Variants in SGO2 observed in about 807,000 individuals in gnomAD.
The protein encoded by SGO2 is shugoshin 2.
Under a neutral mutation model 99.5 loss-of-function variants are expected in SGO2, and 68 were observed. The ratio of observed to expected loss-of-function variants is 0.68; its 90% CI spans 0.56 to 0.84. The LOEUF is 0.84. Ranked by LOEUF, SGO2 falls within the 40% of genes least tolerant of loss-of-function variation. The pLI, the probability that SGO2 is intolerant of heterozygous loss-of-function variation, is 0.00. For synonymous variants in SGO2, 457 were observed against 487.1 expected (o/e 0.94, Z 0.81); for missense variants, 1,350 against 1,436.7 (o/e 0.94, Z 0.97).
chr2:200,572,891 A>T lies in SGO2; in HGVS notation c.2545A>T (p.Lys849Ter). 1 of 1,591,880 alleles carries T rather than the reference A, an allele frequency of 6.3e-7. No homozygotes were observed. The highest frequency in any genetic ancestry group is 8.5e-7 in the Non-Finnish European group (1 of 1,173,134). Residue 849 changes from lysine to a stop codon, truncating the protein, a stop_gained, in exon 7 of 9, where the codon AAA becomes TAA. Coordinates refer to ENST00000357799, the MANE Select transcript of SGO2 (RefSeq NM_152524.6). LOFTEE classifies it high-confidence loss of function. ...DNFFSLTPKD[K>*]ETISENLQVT... ...CTTCTTCTCTCTAACCCCAAAGGAT[A>T]AAGAAACAATTTCTGAAAATCTACA...
chr2:200,557,113 G>A (rs1435599616), intron 5 of SGO2, among the ~76,000 whole-genome samples: 1 of 152,160 alleles, frequency 6.6e-6, no homozygotes, highest in African/African-American at 2.4e-5. Flanking sequence ...TGCAAACAGT[G>A]GAAGGCAAAT....
intron 5 of SGO2, among the ~76,000 whole-genome samples, chr2:200,559,638 C>G (rs893089937): frequency 6.6e-6 from 1 of 152,076 alleles, no homozygotes; most frequent in Non-Finnish European, 1.5e-5. Flanking sequence ...GTTGCCCAAG[C>G]TGGACTTGAT....
chr2:200,567,563 A>C (rs2033235639), intron 5 of SGO2, among the ~76,000 whole-genome samples: 1 of 152,190 alleles, frequency 6.6e-6, no homozygotes, highest in East Asian at 1.9e-4. Flanking sequence ...TTCATTTCTA[A>C]AATATTTCAA....
rs755951376 is a variant in SGO2 at position 200,573,870 on chromosome 2, A to T, written c.3524A>T (p.Asn1175Ile). The T allele has an allele frequency of 2.4e-5, 38 of 1,613,094 alleles. No homozygotes were observed. Among genetic ancestry groups the T allele is most frequent in the Middle Eastern group, 1.6e-4 (1 of 6,082 alleles). Residue 1175 changes from asparagine to isoleucine, a missense_variant, in exon 7 of 9, where the codon AAT becomes ATT. Physicochemically the swap from Asn to Ile is moderately radical, Grantham distance 149. Coordinates refer to ENST00000357799, the MANE Select transcript of SGO2 (RefSeq NM_152524.6). ...SSGKNVIIKE[N>I]FALECSPAFQ... ...GGTAAAAATGTGATAATAAAAGAAAATTTTGCCTTGGAGTGCTCCCCAGCC... is the reference window on the plus strand; with the variant it reads ...GGTAAAAATGTGATAATAAAAGAAATTTTTGCCTTGGAGTGCTCCCCAGCC...
intron 1 of SGO2, among the ~76,000 whole-genome samples, chr2:200,531,448 C>T (rs1054111297): frequency 7.2e-5 from 11 of 152,154 alleles, no homozygotes; most frequent in Non-Finnish European, 1.2e-4. Flanking sequence ...GTGTTGTAGC[C>T]TCTAGAAGGG....
chr2:200,574,689 A>G (rs1456154805), intron 7 of SGO2, among the ~76,000 whole-genome samples: 1 of 152,070 alleles, frequency 6.6e-6, no homozygotes, highest in Non-Finnish European at 1.5e-5. Flanking sequence ...AAAAAAATCA[A>G]AAGTAGAGAG....
rs2033414161 is a variant in SGO2, at chr2:200,571,351, G to C, written c.1005G>C (p.Glu335Asp). Residue 335 changes from glutamate (E) to aspartate (D), a missense_variant, in exon 7 of 9, where the codon GAG (glutamate) becomes GAC (aspartate). Glu to Asp is a conservative substitution (Grantham distance 45). Coordinates refer to ENST00000357799, the MANE Select transcript of SGO2 (RefSeq NM_152524.6). ...AGGATCTTCCTGGCTTATCTTCTGA[G>C]TCTGCCAGAGAACCTAATGCAGAGT... ...NKQDLPGLSSESAREPNAECM... is the reference protein window; with the variant it reads ...NKQDLPGLSSDSAREPNAECM... 1.2e-6 allele frequency: 2 copies of C among 1,612,634 alleles called. No homozygotes were observed. Among genetic ancestry groups the C allele is most frequent in the South Asian group, 2.2e-5 (2 of 91,026 alleles).
chr2:200,573,856 G>A lies in SGO2; in HGVS notation c.3510G>A (p.Val1170=), dbSNP rs765705577. 2 of 1,613,198 alleles carry A rather than the reference G, an allele frequency of 1.2e-6. No homozygotes were observed. The highest frequency in any genetic ancestry group is 1.1e-5 in the South Asian group (1 of 90,992). ...TGAGCGTTTCTTCTGGTAAAAATGT[G>A]ATAATAAAAGAAAATTTTGCCTTGG... ...VPLSVSSGKN[V]IIKENFALEC... Residue 1170 remains valine, a synonymous_variant, in exon 7 of 9, where the codon GTG becomes GTA. Transcript: ENST00000357799.
rs779268075 is a variant in SGO2 at position 200,568,548 on chromosome 2, A to G, written c.474-1115A>G. ...TATGGGATTCAGAGGTCAGCTAGATATTTGGGGAGCATTTATACACAAAAT... is the reference window on the plus strand; with the variant it reads ...TATGGGATTCAGAGGTCAGCTAGATGTTTGGGGAGCATTTATACACAAAAT... On this transcript the variant is annotated intron_variant, in intron 5 of 8. Transcript: ENST00000357799. Among the ~76,000 whole-genome samples the G allele has an allele frequency of 6.6e-4, 100 of 152,290 alleles. 7 individuals carry two copies. The highest frequency in any genetic ancestry group is 2.0e-4 in the Admixed American group (3 of 15,304).
At chr2:200,574,269 T>A (rs1243663820) in intron 7 of SGO2, among the ~76,000 whole-genome samples, 1 of 152,056 alleles carries the variant, frequency 6.6e-6, no homozygotes, top group Non-Finnish European at 1.5e-5. Context: ...TTTTCATACA[T>A]CTGAAGGAAA....
At chr2:200,532,568 C>T (rs1181333329) in intron 1 of SGO2, among the ~76,000 whole-genome samples, 1 of 151,936 alleles carries the variant, frequency 6.6e-6, no homozygotes, top group Non-Finnish European at 1.5e-5. Context: ...CCTATTTCTC[C>T]AACCCCCTTC....
Position 200,573,692 on chromosome 2 carries a change from G to A in SGO2, c.3346G>A (p.Glu1116Lys), listed in dbSNP as rs2106347324. ...TACTGTATCTGAACAAGCTGATAAGGAAAACAATTTGGAGAATGAGAAAAT... is the reference window on the plus strand; with the variant it reads ...TACTGTATCTGAACAAGCTGATAAGAAAAACAATTTGGAGAATGAGAAAAT... Reference protein sequence around the residue: ...KSTVSEQADKENNLENEKMVK... With the variant: ...KSTVSEQADKKNNLENEKMVK... The change falls in exon 7 of 9, where the codon GAA (glutamate) becomes AAA (lysine). Residue 1116 changes from glutamate to lysine, a missense_variant. Glu to Lys is a moderately conservative substitution (Grantham distance 56). Transcript: ENST00000357799. 6.2e-7 allele frequency: 1 copy of A among 1,613,142 alleles called. No individual in the cohort carries two copies. The highest frequency in any genetic ancestry group is 2.2e-5 in the East Asian group (1 of 44,840).
intron 3 of SGO2, among the ~76,000 whole-genome samples, chr2:200,535,826 ATGTG>A (rs199684122): frequency 4.0e-5 from 6 of 151,302 alleles, no homozygotes; most frequent in African/African-American, 1.5e-4. Flanking sequence ...TATTCAACAT[ATGTG>A]TGTGTGTGTG....
At chr2:200,550,419 C>A (rs1232050538) in intron 5 of SGO2, among the ~76,000 whole-genome samples, 1 of 152,096 alleles carries the variant, frequency 6.6e-6, no homozygotes, top group African/African-American at 2.4e-5. Flanking sequence ...ATGAACAAAG[C>A]TGGAGGCATC....
intron 5 of SGO2, among the ~76,000 whole-genome samples, chr2:200,547,282 C>T (rs1010702169): frequency 3.3e-5 from 5 of 152,154 alleles, no homozygotes; most frequent in South Asian, 2.1e-4. Context: ...TTGTGTCCAA[C>T]GAATTGTCAT....
rs780272888 is a variant in SGO2, at chr2:200,571,810, G to A, written c.1464G>A (p.Leu488=). 1 of 1,613,394 alleles carries A rather than the reference G, an allele frequency of 6.2e-7. No individual in the cohort carries two copies. Among genetic ancestry groups the A allele is most frequent in the Non-Finnish European group, 8.5e-7 (1 of 1,179,610 alleles). Residue 488 remains leucine (L), a synonymous_variant, in exon 7 of 9, where the codon CTG becomes CTA. Transcript: ENST00000357799. ...GFEQGDRENV[L]CNKKEKRITN... ...AACAAGGTGACAGAGAAAATGTACT[G>A]TGTAATAAAAAGGAGAAAAGAATAA... is the stretch of plus-strand genomic sequence containing the variant.
Position 200,533,202 on chromosome 2 carries a change from TAC to T in SGO2, c.133+95_133+96del, listed in dbSNP as rs2031504327. Reference sequence around the variant, plus strand: ...CCTTATTTTATCAAGTACAGAAAATTACTAAAATGACCATTTTGTTAACTGAT... The same window carrying T: ...CCTTATTTTATCAAGTACAGAAAATTTAAAATGACCATTTTGTTAACTGAT... On this transcript the variant is annotated intron_variant, in intron 2 of 8. Coordinates refer to ENST00000357799, the MANE Select transcript of SGO2 (RefSeq NM_152524.6). 4 of 1,334,208 alleles carry T rather than the reference TAC, an allele frequency of 3.0e-6. No homozygotes were observed. In the African/African-American group the frequency reaches 6.0e-5, roughly 20 times the overall value. 82.6% of individuals were successfully genotyped at this position (1,334,208 alleles called of 1,614,324 possible).
chr2:200,529,838 G>A (rs2031286762), intron 1 of SGO2, among the ~76,000 whole-genome samples: 1 of 152,224 alleles, frequency 6.6e-6, no homozygotes, highest in East Asian at 1.9e-4. Flanking sequence ...TGGAGCTACA[G>A]TTTTAAGTGA....
At chr2:200,555,141 A>G (rs778960439) in intron 5 of SGO2, among the ~76,000 whole-genome samples, 1 of 152,244 alleles carries the variant, frequency 6.6e-6, no homozygotes, top group Non-Finnish European at 1.5e-5. Flanking sequence ...TCACATTCCC[A>G]TGACTTTTTA....
Sources: gnomAD v4.1 joint callset for allele counts (sites outside exome capture counted in the v4.1 genomes callset) on GRCh38, gnomAD v4.1.1 for gene constraint, MANE v1.5 for transcripts, NCBI Gene and HGNC (gene_info 2026-07-23, HGNC 2026-07-21) for gene names.